Variants in ZNF324B observed in about 807,000 individuals in gnomAD.
The protein encoded by ZNF324B is zinc finger protein 324B.
A neutral mutation model predicts 10.6 loss-of-function variants in ZNF324B; 7 were observed. That is an observed-to-expected ratio of 0.66 (90% confidence interval 0.38 to 1.24). The LOEUF (loss-of-function observed/expected upper bound fraction) is 1.24. Ranked by LOEUF, ZNF324B falls within the 50% of genes most tolerant of loss-of-function variation. ZNF324B has a pLI of 0.02. For synonymous variants in ZNF324B, 316 were observed against 321.0 expected, an observed-to-expected ratio of 0.98 and a Z score of 0.17; for missense variants, 640 against 764.7, an observed-to-expected ratio of 0.84 and a Z score of 1.92.
chr19:58,432,246 C>T, the ZNF324B span: 1 of 505,348 alleles, frequency 2.0e-6, no homozygotes, highest in Middle Eastern at 3.2e-4. Flanking sequence ...TGATGGGTGC[C>T]AAGATACAGT....
At chr19:58,437,097 T>G in the ZNF324B span, 10 of 1,613,996 alleles carry the variant, frequency 6.2e-6, no homozygotes, top group Middle Eastern at 1.6e-4. Context: ...GTGGTACAGG[T>G]GCCTCTGGGC....
the ZNF324B span, among the ~76,000 whole-genome samples, chr19:58,428,473 C>T: frequency 6.6e-6 from 1 of 152,102 alleles, no homozygotes; most frequent in Admixed American, 6.5e-5. Flanking sequence ...GACAGACCTG[C>T]TTGGTGGCCA....
the ZNF324B span, among the ~76,000 whole-genome samples, chr19:58,427,291 T>TTTCTTTCTTTC: frequency 2.3e-3 from 132 of 58,388 alleles, 9 homozygotes; most frequent in African/African-American, 7.3e-3. Context: ...TGCCTGGCTT[T>TTTCTTTCTTTC]TTTCTTTCTT....
At chr19:58,428,135 C>A in the ZNF324B span, among the ~76,000 whole-genome samples, 2 of 152,174 alleles carry the variant, frequency 1.3e-5, no homozygotes, top group Non-Finnish European at 2.9e-5. Flanking sequence ...ATTGTCCATC[C>A]CCTCAGGGGC....
chr19:58,456,284 A>G lies in ZNF324B; in HGVS notation c.1340A>G (p.His447Arg). 3.1e-6 allele frequency: 5 copies of G among 1,613,072 alleles called. No individual in the cohort carries two copies. The highest frequency in any genetic ancestry group is 4.2e-6 in the Non-Finnish European group (5 of 1,179,868). Reference sequence around the variant, plus strand: ...AACCTCACCCAGCACCAGCTCCTGCACACGGGCGAGCGGCCCTTCCGCTGC... The same window carrying G: ...AACCTCACCCAGCACCAGCTCCTGCGCACGGGCGAGCGGCCCTTCCGCTGC... The part of the protein sequence containing the change: ...SSNLTQHQLL[H>R]TGERPFRCVD... The change falls in exon 4 of 4, where the codon CAC (histidine) becomes CGC (arginine). Residue 447 changes from histidine to arginine, a missense_variant. Coordinates refer to ENST00000336614, the MANE Select transcript of ZNF324B (RefSeq NM_207395.3). This position sits in a 1 kb window ranked among gnomAD's most constrained non-coding sequence, Gnocchi z 4.7.
chr19:58,433,489 T>A, the ZNF324B span: 2 of 1,614,044 alleles, frequency 1.2e-6, no homozygotes, highest in African/African-American at 2.7e-5. Flanking sequence ...ATAGGGCCTT[T>A]CTTGTGTGTG....
the ZNF324B span, chr19:58,445,224 C>T: frequency 3.2e-6 from 1 of 314,914 alleles, no homozygotes; most frequent in South Asian, 2.6e-5. Context: ...GAATTCTCAT[C>T]AGAGAGGCCC....
chr19:58,437,673 C>T, the ZNF324B span: 1 of 976,176 alleles, frequency 1.0e-6, no homozygotes, highest in East Asian at 1.1e-4. Context: ...CCAACCCCTC[C>T]CTGTTCACAC....
At chr19:58,434,380 G>A in the ZNF324B span, 1 of 1,614,228 alleles carries the variant, frequency 6.2e-7, no homozygotes, top group South Asian at 1.1e-5. Context: ...GTTACTGAAG[G>A]CTTTCCCACA....
At chr19:58,436,015 AAAG>A in the ZNF324B span, among the ~76,000 whole-genome samples, 1 of 152,248 alleles carries the variant, frequency 6.6e-6, no homozygotes, top group African/African-American at 2.4e-5. Flanking sequence ...TGGCTATAAA[AAAG>A]AATGAAATAT....
the ZNF324B span, chr19:58,434,554 C>T: frequency 1.9e-6 from 3 of 1,614,094 alleles, 1 homozygote; most frequent in South Asian, 3.3e-5. Context: ...AAAGGCCTTC[C>T]CACACTCCTT....
the ZNF324B span, chr19:58,443,241 T>C: frequency 1.3e-5 from 2 of 152,052 alleles, no homozygotes; most frequent in East Asian, 3.9e-4. Flanking sequence ...GAGCGCTGAT[T>C]GGTGCATTTT....
rs764179439 is a variant in ZNF324B, at chr19:58,455,932, C to T, written c.988C>T (p.Arg330Trp). 5 of 1,597,186 alleles carry T rather than the reference C, an allele frequency of 3.1e-6. No homozygotes were observed. Among genetic ancestry groups the T allele is most frequent in the Non-Finnish European group, 3.4e-6 (4 of 1,169,592 alleles). The stretch of plus-strand genomic sequence containing the variant: ...CTTCCGGCATAGCTCCTCGCTGGTG[C>T]GGCACCAGCGCATCCACACGGCCGA... Reference protein sequence around the residue: ...KAFRHSSSLVRHQRIHTAEKS... With the variant: ...KAFRHSSSLVWHQRIHTAEKS... The change falls in exon 4 of 4, where the codon CGG becomes TGG. Residue 330 changes from arginine to tryptophan, a missense_variant. Physicochemically the swap from Arg to Trp is moderately radical, Grantham distance 101 (BLOSUM62 -3). Transcript: ENST00000336614. This position sits in a 1 kb window ranked among gnomAD's most constrained non-coding sequence, Gnocchi z 7.0.
the ZNF324B span, among the ~76,000 whole-genome samples, chr19:58,422,362 CAA>C: frequency 6.6e-6 from 1 of 152,138 alleles, no homozygotes; most frequent in African/African-American, 2.4e-5. Flanking sequence ...TGGAACAAGA[CAA>C]AGATGCCCAC....
chr19:58,431,769 A>G, the ZNF324B span, among the ~76,000 whole-genome samples: 1 of 152,232 alleles, frequency 6.6e-6, no homozygotes, highest in Admixed American at 6.5e-5. Context: ...AGGCAGGCAG[A>G]TCAGGAGGTC....
At chr19:58,453,989 C>A (rs2052887875) in intron 2 of ZNF324B, among the ~76,000 whole-genome samples, 167 bp downstream of exon 2, 1 of 152,214 alleles carries the variant, frequency 6.6e-6, no homozygotes, top group South Asian at 2.1e-4. Flanking sequence ...CCTTGCCGCC[C>A]TGTCCAGCTG....
chr19:58,455,406 C>T lies in ZNF324B; in HGVS notation c.462C>T (p.Asp154=). The part of the protein sequence containing the change: ...WERLLLGSRS[D]QASISLRLTS... ...GGCTCCTGCTAGGCTCGCGCAGTGA[C>T]CAGGCCAGCATCAGCCTGCGACTGA... The change falls in exon 4 of 4, where the codon GAC becomes GAT. Residue 154 remains aspartate, a synonymous_variant. Transcript: ENST00000336614. The surrounding 1 kb of genome is among the most constrained non-coding windows in gnomAD (Gnocchi z 7.0). 3 of 1,614,184 alleles carry T rather than the reference C, an allele frequency of 1.9e-6. No homozygotes were observed. Among genetic ancestry groups the T allele is most frequent in the Non-Finnish European group, 2.5e-6 (3 of 1,180,020 alleles).
chr19:58,421,218 A>C, the ZNF324B span, among the ~76,000 whole-genome samples: 2 of 151,936 alleles, frequency 1.3e-5, no homozygotes, highest in African/African-American at 4.8e-5. Flanking sequence ...CCTGCTCTGG[A>C]GTAGAGTCCC....
the ZNF324B span, chr19:58,434,207 TGAA>T: frequency 3.0e-5 from 49 of 1,614,216 alleles, no homozygotes; most frequent in African/African-American, 4.0e-5. Context: ...GAGCTTCGGC[TGAA>T]GGATTTACCA....
Sources: allele counts gnomAD v4.1 joint callset (sites outside exome capture counted in the v4.1 genomes callset), GRCh38; gene constraint gnomAD v4.1.1; non-coding constraint Gnocchi (gnomAD v3.1); transcripts MANE v1.5; gene names NCBI Gene and HGNC (gene_info 2026-07-23, HGNC 2026-07-21).